The following MARCHF1 variants were observed in gnomAD, a reference collection of about 807,000 sequenced individuals.
MARCHF1 encodes E3 ubiquitin-protein ligase MARCHF1.
Under a neutral mutation model 54.2 loss-of-function variants are expected in MARCHF1, and 40 were observed. That is an observed-to-expected ratio of 0.74 (90% confidence interval 0.57 to 0.96). The LOEUF (loss-of-function observed/expected upper bound fraction) is 0.96. MARCHF1 is among the 40% of genes least tolerant of loss of function. The pLI is 0.00. For synonymous variants in MARCHF1, 236 were observed against 236.3 expected, an observed-to-expected ratio of 1.00 and a Z score of 0.01; for missense variants, 586 against 656.5, an observed-to-expected ratio of 0.89 and a Z score of 1.17.
chr4:163,715,555 T>C (rs1745230869), intron 4 of MARCHF1, among the ~76,000 whole-genome samples: 1 of 152,192 alleles, frequency 6.6e-6, no homozygotes, highest in African/African-American at 2.4e-5. Context: ...TTGTGCTTCT[T>C]TGGGTTTATA....
chr4:163,723,004 G>A (rs1181426234), intron 4 of MARCHF1, among the ~76,000 whole-genome samples: 1 of 152,102 alleles, frequency 6.6e-6, no homozygotes, highest in African/African-American at 2.4e-5. Context: ...TCTTTTAAGT[G>A]GAGCATTTAG....
chr4:164,154,966 C>A (rs1177449397), intron 1 of MARCHF1, among the ~76,000 whole-genome samples: 1 of 152,140 alleles, frequency 6.6e-6, no homozygotes, highest in Non-Finnish European at 1.5e-5. Flanking sequence ...ATGATCTTCC[C>A]CTGGAGTTTG....
chr4:164,315,313 GAA>G (rs1436430105), intron 1 of MARCHF1, among the ~76,000 whole-genome samples: 2 of 149,650 alleles, frequency 1.3e-5, no homozygotes, highest in African/African-American at 4.9e-5. Flanking sequence ...CAGAAGCAAT[GAA>G]AAGACTCATA....
chr4:163,559,297 T>C (rs1206973402), intron 8 of MARCHF1, among the ~76,000 whole-genome samples: 1 of 152,226 alleles, frequency 6.6e-6, no homozygotes, highest in Non-Finnish European at 1.5e-5. Flanking sequence ...GGAATGTAAA[T>C]ATTCAAACCA....
intron 8 of MARCHF1, among the ~76,000 whole-genome samples, chr4:163,552,215 G>T (rs12504156): frequency 0.46 from 70,277 of 151,972 alleles, 17,483 homozygotes; most frequent in Middle Eastern, 0.6. Context: ...GTACAAGAAG[G>T]TCTTGTACTG....
chr4:164,063,229 T>G (rs1754658653), intron 2 of MARCHF1, among the ~76,000 whole-genome samples: 1 of 152,100 alleles, frequency 6.6e-6, no homozygotes, highest in African/African-American at 2.4e-5. Context: ...AATAACAGAG[T>G]CAGACTGTCC....
intron 1 of MARCHF1, among the ~76,000 whole-genome samples, chr4:164,203,069 C>T (rs1731499899): frequency 6.6e-6 from 1 of 151,786 alleles, no homozygotes; most frequent in Non-Finnish European, 1.5e-5. Context: ...CCTCTCTCTC[C>T]TTGATATAGA....
chr4:164,003,600 C>G (rs184878225), intron 2 of MARCHF1, among the ~76,000 whole-genome samples: 1 of 152,022 alleles, frequency 6.6e-6, no homozygotes, highest in African/African-American at 2.4e-5. Flanking sequence ...TACCATCTCA[C>G]CAGTCAGAAT....
intron 4 of MARCHF1, among the ~76,000 whole-genome samples, chr4:163,832,951 TG>T (rs1749073415): frequency 6.6e-6 from 1 of 152,110 alleles, no homozygotes; most frequent in Non-Finnish European, 1.5e-5. Context: ...TAGTATTCCA[TG>T]GTGTATATGT....
chr4:164,076,968 T>C (rs1309384928), intron 2 of MARCHF1, among the ~76,000 whole-genome samples: 5 of 152,170 alleles, frequency 3.3e-5, no homozygotes, highest in Non-Finnish European at 7.4e-5. Flanking sequence ...AATTAATTTA[T>C]AGATTCAATA....
intron 1 of MARCHF1, among the ~76,000 whole-genome samples, chr4:164,273,667 A>G (rs1733798868): frequency 3.3e-5 from 5 of 152,352 alleles, no homozygotes; most frequent in Admixed American, 2.6e-4. Context: ...AGAAGATTCA[A>G]GTGACTGACG....
chr4:163,530,039 A>ACTT (rs1436547806), intron 9 of MARCHF1: 1 of 151,960 alleles, frequency 6.6e-6, no homozygotes, highest in Non-Finnish European at 1.5e-5. Flanking sequence ...CTATGATTTG[A>ACTT]CTTTGGATTT....
At chr4:164,231,088 G>A (rs111545043) in intron 1 of MARCHF1, among the ~76,000 whole-genome samples, 7 of 152,184 alleles carry the variant, frequency 4.6e-5, no homozygotes, top group Admixed American at 2.6e-4. Flanking sequence ...CTTAAAGTGA[G>A]GAGCGAAAAG....
intron 2 of MARCHF1, among the ~76,000 whole-genome samples, chr4:164,046,880 A>T (rs1754254655): frequency 6.6e-6 from 1 of 152,172 alleles, no homozygotes; most frequent in Non-Finnish European, 1.5e-5. Flanking sequence ...AAGAGAAAGG[A>T]ATAACATAGT....
chr4:164,191,747 A>G (rs1028153593), intron 1 of MARCHF1, among the ~76,000 whole-genome samples: 16 of 152,292 alleles, frequency 1.1e-4, no homozygotes, highest in Admixed American at 1.0e-3. Context: ...TGAGAGTCAT[A>G]CTTCTTACTT....
At chr4:163,679,339 A>G (rs79237094) in intron 5 of MARCHF1, among the ~76,000 whole-genome samples, 2,549 of 152,116 alleles carry the variant, frequency 0.017, 48 homozygotes, top group East Asian at 0.082. Flanking sequence ...TTTTTTTCCT[A>G]TTGCCAGATC....
chr4:164,163,115 T>C (rs1730283724), intron 1 of MARCHF1, among the ~76,000 whole-genome samples: 1 of 151,956 alleles, frequency 6.6e-6, no homozygotes, highest in Admixed American at 6.6e-5. Context: ...TCAATTAAAA[T>C]AGTAAAGAAT....
At chr4:164,085,542 C>T (rs893124827) in intron 2 of MARCHF1, among the ~76,000 whole-genome samples, 1 of 151,864 alleles carries the variant, frequency 6.6e-6, no homozygotes, top group East Asian at 1.9e-4. Context: ...AGTAATAATA[C>T]CAAGTCATAT....
chr4:164,108,813 T>C (rs1755766422), intron 2 of MARCHF1, among the ~76,000 whole-genome samples: 1 of 152,098 alleles, frequency 6.6e-6, no homozygotes, highest in African/African-American at 2.4e-5. Flanking sequence ...AAAAATAGTC[T>C]CTTTTTATAG....
Sources: allele counts gnomAD v4.1 joint callset (sites outside exome capture counted in the v4.1 genomes callset), GRCh38; gene constraint gnomAD v4.1.1; transcripts MANE v1.5; gene names NCBI Gene and HGNC (gene_info 2026-07-23, HGNC 2026-07-21).